EGFLAM: variants seen among roughly 807,000 people sequenced by gnomAD.
EGFLAM encodes the protein pikachurin.
A neutral mutation model predicts 113.1 loss-of-function variants in EGFLAM; 79 were observed. The observed-to-expected ratio is 0.70, with a 90% CI of 0.58 to 0.84. The LOEUF (loss-of-function observed/expected upper bound fraction) is 0.84. EGFLAM is among the 40% of genes least tolerant of loss of function. The pLI, the probability that EGFLAM is intolerant of heterozygous loss-of-function variation, is 0.00. For synonymous variants in EGFLAM, 504 were observed against 487.6 expected, an observed-to-expected ratio of 1.03 and a Z score of -0.44; for missense variants, 1,265 against 1,291.6, an observed-to-expected ratio of 0.98 and a Z score of 0.32.
intron 12 of EGFLAM, among the ~76,000 whole-genome samples, chr5:38,420,703 G>A (rs1741793864): frequency 6.6e-6 from 1 of 152,158 alleles, no homozygotes; most frequent in Non-Finnish European, 1.5e-5. Flanking sequence ...GAACAGCCCT[G>A]AATAAACCTG....
At chr5:38,338,859 C>A in intron 3 of EGFLAM, 78 bp downstream of exon 3, 1 of 1,146,422 alleles carries the variant, frequency 8.7e-7, no homozygotes, top group Non-Finnish European at 1.3e-6. Context: ...GGTGTGTGTG[C>A]TACTGTACAT....
chr5:38,272,420 G>A (rs370331205), intron 1 of EGFLAM, among the ~76,000 whole-genome samples: 2 of 152,202 alleles, frequency 1.3e-5, no homozygotes, highest in East Asian at 1.9e-4. Flanking sequence ...GAATGGCATC[G>A]GAGGTATGAT....
intron 6 of EGFLAM, among the ~76,000 whole-genome samples, chr5:38,371,339 A>G (rs1028025405): frequency 2.6e-5 from 4 of 152,146 alleles, no homozygotes; most frequent in Admixed American, 2.6e-4. Context: ...GAAAGGAAGC[A>G]GCACTGGTAA....
chr5:38,381,605 G>A (rs1281839308), intron 6 of EGFLAM, among the ~76,000 whole-genome samples: 1 of 152,118 alleles, frequency 6.6e-6, no homozygotes, highest in East Asian at 1.9e-4. Flanking sequence ...TGTGCTAATT[G>A]GGACCAGTAT....
chr5:38,272,450 G>C (rs2111721042), intron 1 of EGFLAM, among the ~76,000 whole-genome samples: 1 of 152,282 alleles, frequency 6.6e-6, no homozygotes, highest in African/African-American at 2.4e-5. Context: ...CAAGTTGCGG[G>C]AAAAGGATAA....
chr5:38,398,668 C>T (rs977445000), intron 6 of EGFLAM, among the ~76,000 whole-genome samples: 8 of 152,186 alleles, frequency 5.3e-5, no homozygotes, highest in Admixed American at 3.3e-4. Context: ...AGCTGGAGCA[C>T]GGTGAGAAGG....
chr5:38,276,440 A>T (rs1757887527), intron 1 of EGFLAM, among the ~76,000 whole-genome samples: 1 of 152,232 alleles, frequency 6.6e-6, no homozygotes, highest in African/African-American at 2.4e-5. Context: ...TCTAATAGGG[A>T]ATATTTTAGC....
chr5:38,309,456 T>C (rs1053829780), intron 1 of EGFLAM, among the ~76,000 whole-genome samples: 1 of 152,222 alleles, frequency 6.6e-6, no homozygotes, highest in Admixed American at 6.5e-5. Flanking sequence ...TCACTAGCAC[T>C]AGTAGGGAAA....
At chr5:38,373,202 C>A (rs1405557310) in intron 6 of EGFLAM, among the ~76,000 whole-genome samples, 1 of 149,090 alleles carries the variant, frequency 6.7e-6, no homozygotes, top group Non-Finnish European at 1.5e-5. Context: ...GGAATAGTGT[C>A]CCCTTTTTAC....
At chr5:38,349,507 C>A (rs1218471772) in intron 3 of EGFLAM, among the ~76,000 whole-genome samples, 1 of 152,092 alleles carries the variant, frequency 6.6e-6, no homozygotes. Flanking sequence ...GAGGAAGAAA[C>A]TGAGGCTTAA....
intron 1 of EGFLAM, among the ~76,000 whole-genome samples, chr5:38,320,816 G>A (rs1314842344): frequency 2.0e-5 from 3 of 152,106 alleles, no homozygotes; most frequent in Admixed American, 2.0e-4. Flanking sequence ...AACCACCGGG[G>A]AAAGGCCAAG....
chr5:38,424,058 G>A (rs547368912), intron 12 of EGFLAM, among the ~76,000 whole-genome samples: 34 of 152,242 alleles, frequency 2.2e-4, no homozygotes, highest in Admixed American at 1.7e-3. Flanking sequence ...CCAGAGGCAC[G>A]CCCTTCTACC....
chr5:38,383,980 T>TGCTCTGA (rs1298582855), intron 6 of EGFLAM, among the ~76,000 whole-genome samples: 5 of 152,036 alleles, frequency 3.3e-5, no homozygotes, highest in African/African-American at 1.2e-4. Flanking sequence ...GCGTGTCAAA[T>TGCTCTGA]CTTATAGGTC....
intron 1 of EGFLAM, among the ~76,000 whole-genome samples, chr5:38,313,699 G>T (rs1212997410): frequency 6.6e-6 from 1 of 152,100 alleles, no homozygotes; most frequent in African/African-American, 2.4e-5. Flanking sequence ...TATTAGCAAT[G>T]GCCCTCAGGG....
chr5:38,275,856 T>C (rs1439659236), intron 1 of EGFLAM, among the ~76,000 whole-genome samples: 1 of 152,238 alleles, frequency 6.6e-6, no homozygotes, highest in Non-Finnish European at 1.5e-5. Flanking sequence ...AGATTGAAAT[T>C]ATGTTAAGTA....
intron 3 of EGFLAM, among the ~76,000 whole-genome samples, chr5:38,341,246 A>G (rs967274477): frequency 3.3e-5 from 5 of 152,198 alleles, no homozygotes; most frequent in Non-Finnish European, 7.3e-5. Flanking sequence ...GGTAATTTAT[A>G]AAGAAAAGAG....
chr5:38,455,342 T>C (rs1743053540), intron 19 of EGFLAM, among the ~76,000 whole-genome samples: 3 of 152,190 alleles, frequency 2.0e-5, no homozygotes, highest in Admixed American at 1.3e-4. Flanking sequence ...GCAACCAGGT[T>C]CCCAAGACGT....
chr5:38,406,088 CTGTGCTGATGAAGGG>C, intron 6 of EGFLAM, 23 bp from the exon 7 acceptor site: 1 of 1,531,158 alleles, frequency 6.5e-7, no homozygotes, highest in Non-Finnish European at 9.1e-7. Flanking sequence ...CAAAGAAGGC[CTGTGCTGATGAAGGG>C]TGTGCTGCTT....
chr5:38,407,126 G>T lies in EGFLAM; in HGVS notation c.1127G>T (p.Gly376Val), dbSNP rs764288265. The change falls in exon 8 of 22, where the codon GGT becomes GTT. Residue 376 changes from glycine to valine, a missense_variant. Transcript: ENST00000322350. ...CGATGCCAGTGCACCCTGGGCAAAG[G>T]TGGTGAGAGCTGCTCAGAAGGTAGG... ...GSRCQCTLGK[G>V]GESCSEDIVI... The T allele has an allele frequency of 6.2e-7, 1 of 1,613,724 alleles. No individual in the cohort carries two copies.
Sources: gnomAD v4.1 joint callset for allele counts (sites outside exome capture counted in the v4.1 genomes callset) on GRCh38, gnomAD v4.1.1 for gene constraint, MANE v1.5 for transcripts, NCBI Gene and HGNC (gene_info 2026-07-23, HGNC 2026-07-21) for gene names.